Variants in DEPTOR observed in about 807,000 individuals in gnomAD.
The protein encoded by DEPTOR is DEP domain-containing mTOR-interacting protein.
A neutral mutation model predicts 41.6 loss-of-function variants in DEPTOR; 41 were observed. The observed-to-expected ratio is 0.98, with a 90% confidence interval of 0.77 to 1.28. DEPTOR has a LOEUF of 1.28. DEPTOR is among the 50% of genes most tolerant of loss of function. The probability of loss-of-function intolerance (pLI) is 0.00; values close to 1 mark genes in which losing one functional copy is unlikely to be tolerated. For missense variants in DEPTOR, 514 were observed against 527.9 expected (o/e 0.97, Z 0.26); for synonymous variants, 195 against 192.3 (o/e 1.01, Z -0.12).
intron 3 of DEPTOR, among the ~76,000 whole-genome samples, chr8:119,953,510 G>C (rs1828378768): frequency 6.6e-6 from 1 of 151,036 alleles, no homozygotes; most frequent in East Asian, 2.0e-4. Flanking sequence ...TTAATCACTT[G>C]AATCCAGGAG....
intron 8 of DEPTOR, among the ~76,000 whole-genome samples, chr8:120,030,496 A>ATTTTTTTTTTTTTTTTTTTTT (rs1812870115): frequency 3.2e-5 from 1 of 30,908 alleles, no homozygotes; most frequent in African/African-American, 9.8e-5. Context: ...TAGGTTCATC[A>ATTTTTTTTTTTTTTTTTTTTT]GTTTTTTTTT....
chr8:120,007,947 G>A (rs1812469905), intron 7 of DEPTOR, among the ~76,000 whole-genome samples: 1 of 152,084 alleles, frequency 6.6e-6, no homozygotes, highest in South Asian at 2.1e-4. Flanking sequence ...TTGTTATTTT[G>A]AAAGTATTTA....
rs370089855 is a variant in DEPTOR at position 120,042,705 on chromosome 8, G to T, written c.1102-6871G>T. On this transcript the variant is annotated intron_variant, in intron 8 of 8. Transcript: ENST00000286234. ...GGCTAATTTTCGCATTTTTAGTAGA[G>T]ACAGGGTCTCACCATGTTGGGTCAA... Among the ~76,000 whole-genome samples, 8 of 151,908 alleles carry T rather than the reference G, an allele frequency of 5.3e-5. No homozygotes were observed. In the East Asian group the frequency reaches 1.2e-3, roughly 22 times the overall value.
chr8:119,968,385 C>G, intron 4 of DEPTOR, among the ~76,000 whole-genome samples: 1 of 151,088 alleles, frequency 6.6e-6, no homozygotes, highest in Non-Finnish European at 1.5e-5. Context: ...CAGATCTCGG[C>G]TCACTGCCAC....
At chr8:119,949,702 CAG>C (rs1828328400) in intron 3 of DEPTOR, among the ~76,000 whole-genome samples, 4 of 152,022 alleles carry the variant, frequency 2.6e-5, no homozygotes, top group Admixed American at 2.6e-4. Flanking sequence ...TATTTTGAGA[CAG>C]AGTCTTACTT....
chr8:120,033,979 C>T (rs1469576999), intron 8 of DEPTOR, among the ~76,000 whole-genome samples: 2 of 152,084 alleles, frequency 1.3e-5, no homozygotes, highest in East Asian at 1.9e-4. Context: ...AAGCAGGAGA[C>T]TTGTTTGAAC....
At chr8:119,965,845 G>A (rs1327689808) in intron 4 of DEPTOR, among the ~76,000 whole-genome samples, 3 of 152,184 alleles carry the variant, frequency 2.0e-5, no homozygotes, top group Non-Finnish European at 4.4e-5. Context: ...CATGATGTAA[G>A]CTGCCACAGT....
chr8:119,989,403 C>T (rs1020845122), intron 4 of DEPTOR, among the ~76,000 whole-genome samples: 1 of 152,174 alleles, frequency 6.6e-6, no homozygotes, highest in Non-Finnish European at 1.5e-5. Context: ...TCTTGTTTTG[C>T]AAGCTTGTCT....
intron 4 of DEPTOR, among the ~76,000 whole-genome samples, chr8:119,986,361 C>G (rs1828830362): frequency 6.6e-6 from 1 of 152,174 alleles, no homozygotes; most frequent in African/African-American, 2.4e-5. Flanking sequence ...TGCCCCCACT[C>G]TCTTCTGTCT....
intron 1 of DEPTOR, among the ~76,000 whole-genome samples, chr8:119,908,988 ACAGCCAGCC>A (rs5894505): frequency 0.5 from 75,166 of 151,462 alleles, 20,299 homozygotes; most frequent in East Asian, 0.92. Flanking sequence ...AAAAACCATG[ACAGCCAGCC>A]CACTAATTCT....
chr8:119,886,370 A>G (rs144564609), intron 1 of DEPTOR, among the ~76,000 whole-genome samples: 200 of 152,266 alleles, frequency 1.3e-3, no homozygotes, highest in African/African-American at 4.7e-3. Context: ...GTTAGGTCAC[A>G]TGCCTATTCC....
Position 119,873,808 on chromosome 8 carries a change from G to T in DEPTOR, c.-39G>T. ...TGATCCGAGCACCCAAACCCTCGGC[G>T]GACAGCGGAGCCAGTGGTAGCCGCA... is the stretch of plus-strand genomic sequence containing the variant. On this transcript the variant is annotated 5_prime_UTR_variant, in exon 1 of 9. Transcript: ENST00000286234. The T allele has an allele frequency of 6.2e-7, 1 of 1,605,610 alleles. No individual in the cohort carries two copies.
intron 3 of DEPTOR, 84 bp downstream of exon 3, chr8:119,930,022 C>A: frequency 6.8e-7 from 1 of 1,465,854 alleles, no homozygotes; most frequent in Non-Finnish European, 9.1e-7. Context: ...TTGATTTCAG[C>A]GTGGCTTTTC....
intron 1 of DEPTOR, among the ~76,000 whole-genome samples, chr8:119,885,533 C>T (rs1323654940): frequency 6.6e-6 from 1 of 152,134 alleles, no homozygotes; most frequent in Non-Finnish European, 1.5e-5. Context: ...TACTGTTATA[C>T]AGTGAGCATA....
At chr8:119,936,726 A>G (rs1828118201) in intron 3 of DEPTOR, among the ~76,000 whole-genome samples, 1 of 152,170 alleles carries the variant, frequency 6.6e-6, no homozygotes, top group Admixed American at 6.5e-5. Context: ...GACTGTTTCT[A>G]TTAATTTTAC....
At chr8:120,036,013 C>T (rs1812974577) in intron 8 of DEPTOR, among the ~76,000 whole-genome samples, 1 of 152,170 alleles carries the variant, frequency 6.6e-6, no homozygotes, top group Non-Finnish European at 1.5e-5. Flanking sequence ...AGAGAGAATT[C>T]CCAGGAAGGC....
intron 1 of DEPTOR, among the ~76,000 whole-genome samples, chr8:119,881,959 C>T (rs1282605443): frequency 2.6e-5 from 4 of 152,130 alleles, no homozygotes; most frequent in African/African-American, 9.7e-5. Context: ...GGTGCAATCG[C>T]GGCTCACTGC....
chr8:119,948,856 C>T (rs1049948934), intron 3 of DEPTOR, among the ~76,000 whole-genome samples: 28 of 152,010 alleles, frequency 1.8e-4, no homozygotes, highest in Non-Finnish European at 1.6e-4. Flanking sequence ...GGCGTGATCT[C>T]AGTTCACTGC....
chr8:120,032,387 T>A (rs1395400013), intron 8 of DEPTOR, among the ~76,000 whole-genome samples: 1 of 151,986 alleles, frequency 6.6e-6, no homozygotes, highest in Non-Finnish European at 1.5e-5. Flanking sequence ...TCCCAGTTAA[T>A]TTTTTGTATT....
Sources: gnomAD v4.1 joint callset for allele counts (sites outside exome capture counted in the v4.1 genomes callset) on GRCh38, gnomAD v4.1.1 for gene constraint, MANE v1.5 for transcripts, NCBI Gene and HGNC (gene_info 2026-07-23, HGNC 2026-07-21) for gene names.